Variants in FILIP1L observed in about 807,000 individuals in gnomAD.
The protein encoded by FILIP1L is filamin A interacting protein 1 like, also known as filamin A-interacting protein 1-like.
A neutral mutation model predicts 96.6 loss-of-function variants in FILIP1L; 55 were observed. The ratio of observed to expected loss-of-function variants is 0.57; its 90% CI spans 0.46 to 0.71. The LOEUF (loss-of-function observed/expected upper bound fraction) is 0.71. Among genes scored for constraint, FILIP1L ranks in the 30% least tolerant of loss-of-function variants. FILIP1L has a pLI of 0.00. For missense variants in FILIP1L, 1,304 were observed against 1,321.2 expected (o/e 0.99, Z 0.20); for synonymous variants, 467 against 473.9 (o/e 0.99, Z 0.19).
chr3:99,933,819 A>T (rs905122878), intron 1 of FILIP1L, among the ~76,000 whole-genome samples: 3 of 152,204 alleles, frequency 2.0e-5, no homozygotes, highest in African/African-American at 7.2e-5. Flanking sequence ...CATAATGGGC[A>T]TGCATTAGGG....
At chr3:100,040,699 C>T (rs1184440633) in intron 1 of FILIP1L, 4 of 152,198 alleles carry the variant, frequency 2.6e-5, no homozygotes, top group Admixed American at 2.6e-4. Context: ...ATGACTATTA[C>T]AGGCTGAACA....
intron 1 of FILIP1L, chr3:100,051,318 T>C (rs2065367914): frequency 6.6e-6 from 1 of 152,028 alleles, no homozygotes; most frequent in Non-Finnish European, 1.5e-5. Flanking sequence ...TAAATAATTT[T>C]ATTTCAAAAT....
At chr3:99,895,454 T>G (rs1389704053) in intron 4 of FILIP1L, among the ~76,000 whole-genome samples, 1 of 151,998 alleles carries the variant, frequency 6.6e-6, no homozygotes, top group Non-Finnish European at 1.5e-5. Context: ...GGTACTGTAT[T>G]TCCTTCCGCT....
At chr3:99,908,840 T>C (rs528418724) in intron 4 of FILIP1L, among the ~76,000 whole-genome samples, 8 of 152,290 alleles carry the variant, frequency 5.3e-5, no homozygotes, top group African/African-American at 1.9e-4. Context: ...ATATACAAAA[T>C]AGAATCTACC....
At chr3:99,931,086 GTAC>G (rs1707468093) in intron 1 of FILIP1L, 56 bp from the exon 2 acceptor site, 2 of 1,438,224 alleles carry the variant, frequency 1.4e-6, no homozygotes, top group African/African-American at 1.4e-5. Context: ...TTTAATAAGA[GTAC>G]CTATTACTGC....
intron 5 of FILIP1L, among the ~76,000 whole-genome samples, chr3:99,847,331 A>G (rs1943409697): frequency 1.3e-5 from 2 of 151,962 alleles, no homozygotes; most frequent in African/African-American, 4.8e-5. Flanking sequence ...GGAAAAAGAA[A>G]CAAGAATGAC....
rs1247574410 is a variant in FILIP1L, at chr3:99,912,261, A to G, written c.605+11969T>C. 2.0e-5 allele frequency among the ~76,000 whole-genome samples: 3 copies of G among 152,366 alleles called. 1 individual carries two copies. Among genetic ancestry groups the G allele is most frequent in the Middle Eastern group, 6.8e-3 (2 of 294 alleles). ...ACAGGGACAAATAGCTACATCTTGT[A>G]TGATTCCATTTATGTGAAATGCCCA... On this transcript the variant is annotated intron_variant, in intron 4 of 5. Coordinates refer to ENST00000477258, the MANE Select transcript of FILIP1L (RefSeq NM_001387850.1).
At chr3:100,022,233 AC>A (rs2064839117) in intron 1 of FILIP1L, among the ~76,000 whole-genome samples, 1 of 152,140 alleles carries the variant, frequency 6.6e-6, no homozygotes. Context: ...GAGATGTCAA[AC>A]GTCAAACACA....
chr3:99,958,324 G>C (rs1708397871), intron 1 of FILIP1L, among the ~76,000 whole-genome samples: 1 of 151,222 alleles, frequency 6.6e-6, no homozygotes, highest in Non-Finnish European at 1.5e-5. Flanking sequence ...AGCCACCCAG[G>C]GTCTATTTTT....
At chr3:100,083,097 A>G (rs1279322503) in intron 1 of FILIP1L, among the ~76,000 whole-genome samples, 1 of 152,198 alleles carries the variant, frequency 6.6e-6, no homozygotes, top group East Asian at 1.9e-4. Flanking sequence ...AAAATCATGT[A>G]TGGATTTTAT....
chr3:99,972,683 G>A (rs745387494), intron 1 of FILIP1L, among the ~76,000 whole-genome samples: 2 of 152,172 alleles, frequency 1.3e-5, no homozygotes, highest in African/African-American at 2.4e-5. Flanking sequence ...GAAGGCATGG[G>A]CAAAGCCAAG....
In FILIP1L at chr3:99,848,307, T is replaced by C; in HGVS notation, c.3369A>G (p.Gln1123=). The C allele has an allele frequency of 6.2e-7, 1 of 1,614,100 alleles. No individual in the cohort carries two copies. Among genetic ancestry groups the C allele is most frequent in the African/African-American group, 1.3e-5 (1 of 75,046 alleles). The part of the protein sequence containing the change: ...ITPTATPLPR[Q]SQITIKEVCK... ...ATATATTACTTACTGTAATTTGTGA[T>C]TGTCGAGGAAGAGGTGTGGCTGTTG... Residue 1123 remains glutamine, a synonymous_variant, in exon 5 of 6, where the codon CAA becomes CAG. Transcript: ENST00000477258.
chr3:100,035,902 A>C (rs960823084), intron 1 of FILIP1L, among the ~76,000 whole-genome samples: 1 of 152,168 alleles, frequency 6.6e-6, no homozygotes, highest in Non-Finnish European at 1.5e-5. Context: ...TGGATGGTCT[A>C]TTATGTGATT....
chr3:100,037,048 A>G (rs1034077200), intron 1 of FILIP1L, among the ~76,000 whole-genome samples: 5 of 152,186 alleles, frequency 3.3e-5, no homozygotes, highest in Non-Finnish European at 4.4e-5. Flanking sequence ...TAAAAACTAA[A>G]TGTGTGGGTT....
chr3:99,965,273 G>A (rs1224533867), intron 1 of FILIP1L, among the ~76,000 whole-genome samples: 3 of 152,144 alleles, frequency 2.0e-5, no homozygotes, highest in African/African-American at 7.2e-5. Context: ...TCTTTCCTGT[G>A]TTCTTTGTAT....
chr3:99,979,349 A>G (rs747995560), intron 1 of FILIP1L, among the ~76,000 whole-genome samples: 1 of 152,234 alleles, frequency 6.6e-6, no homozygotes, highest in Non-Finnish European at 1.5e-5. Context: ...TTGTCTGTAT[A>G]TACGGCTCAG....
At chr3:100,059,919 A>G (rs1287557465) in intron 1 of FILIP1L, among the ~76,000 whole-genome samples, 1 of 152,144 alleles carries the variant, frequency 6.6e-6, no homozygotes, top group Non-Finnish European at 1.5e-5. Context: ...ATGAGCCTCC[A>G]GTCTGGGGAG....
intron 1 of FILIP1L, among the ~76,000 whole-genome samples, chr3:100,003,899 G>T (rs777926812): frequency 2.0e-5 from 3 of 152,136 alleles, no homozygotes; most frequent in Non-Finnish European, 2.9e-5. Flanking sequence ...AAGAGAGAAG[G>T]CATAAAAATT....
At chr3:100,014,896 T>TTTTTTTTTTTTTTTTTTTTTTTTTC (rs1710290155) in intron 1 of FILIP1L, among the ~76,000 whole-genome samples, 1 of 70,232 alleles carries the variant, frequency 1.4e-5, no homozygotes, top group African/African-American at 5.0e-5. Context: ...TCTTTCTTTC[T>TTTTTTTTTTTTTTTTTTTTTTTTTC]TTTTTTTTTT....
Sources: allele counts gnomAD v4.1 joint callset (sites outside exome capture counted in the v4.1 genomes callset), GRCh38; gene constraint gnomAD v4.1.1; transcripts MANE v1.5; gene names NCBI Gene and HGNC (gene_info 2026-07-23, HGNC 2026-07-21).